Variants in IARS1 observed in about 807,000 individuals in gnomAD.
The protein encoded by IARS1 is isoleucine--tRNA ligase, cytoplasmic.
A neutral mutation model predicts 168.2 loss-of-function variants in IARS1; 124 were observed. The observed-to-expected ratio is 0.74, with a 90% CI of 0.64 to 0.86. The LOEUF (loss-of-function observed/expected upper bound fraction) is 0.86. Ranked by LOEUF, IARS1 falls within the 40% of genes least tolerant of loss-of-function variation. The pLI, the probability that IARS1 is intolerant of heterozygous loss-of-function variation, is 0.00. For missense variants in IARS1, 1,452 were observed against 1,515.8 expected (o/e 0.96, Z 0.70); for synonymous variants, 532 against 529.4 (o/e 1.00, Z -0.07).
rs776971708 is a variant in IARS1 at position 92,287,938 on chromosome 9, A to G, written c.277-28T>C. ...GAAAATTTGTGATAAGACTGTTACCACGCTGCCCTATGAAAACAACTGCAA... is the reference window on the plus strand; with the variant it reads ...GAAAATTTGTGATAAGACTGTTACCGCGCTGCCCTATGAAAACAACTGCAA... On this transcript the variant is annotated intron_variant, in intron 3 of 33. Transcript: ENST00000443024. 21 of 1,611,658 alleles carry G rather than the reference A, an allele frequency of 1.3e-5. No individual in the cohort carries two copies. The Admixed American group carries it at 3.5e-4, about 27-fold the overall frequency.
intron 15 of IARS1, 84 bp from the exon 16 acceptor site, chr9:92,265,207 C>T (rs1832115857): frequency 1.7e-6 from 2 of 1,191,814 alleles, no homozygotes; most frequent in Admixed American, 2.5e-5. Context: ...AACACAAAAC[C>T]CTGACAAGAT....
intron 21 of IARS1, among the ~76,000 whole-genome samples, chr9:92,253,059 TTTA>T (rs1191226401): frequency 6.6e-6 from 1 of 152,180 alleles, no homozygotes; most frequent in African/African-American, 2.4e-5. Flanking sequence ...TTTGCATGAT[TTTA>T]TTTTGAATTT....
intron 31 of IARS1, among the ~76,000 whole-genome samples, chr9:92,228,096 G>A (rs1041279847): frequency 6.6e-6 from 1 of 152,186 alleles, no homozygotes; most frequent in Non-Finnish European, 1.5e-5. Flanking sequence ...CACCTCAGGA[G>A]GCCAAGGCTG....
intron 15 of IARS1, 92 bp from the exon 16 acceptor site, chr9:92,265,215 G>T: frequency 9.1e-7 from 1 of 1,104,722 alleles, no homozygotes. Context: ...ACCCTGACAA[G>T]ATATTATACA....
At chr9:92,287,594 C>T in intron 4 of IARS1, 197 bp downstream of exon 4, 2 of 449,834 alleles carry the variant, frequency 4.4e-6, no homozygotes, top group Non-Finnish European at 7.5e-6. Flanking sequence ...AAAGTTAGAC[C>T]AATTAAGCAC....
chr9:92,278,333 G>C (rs373357488), intron 7 of IARS1, 47 bp from the exon 8 acceptor site: 4 of 1,310,204 alleles, frequency 3.1e-6, no homozygotes, highest in Non-Finnish European at 4.4e-6. Context: ...TTCTGAACTT[G>C]GCTGATTCCA....
chr9:92,289,825 A>G (rs1293876269), intron 1 of IARS1, among the ~76,000 whole-genome samples: 1 of 152,198 alleles, frequency 6.6e-6, no homozygotes, highest in African/African-American at 2.4e-5. Context: ...GGCCTATTGC[A>G]TCTGGTTTCC....
Position 92,265,556 on chromosome 9 carries a change from G to C in IARS1, c.1432-3C>G. 1 of 1,613,470 alleles carries C rather than the reference G, an allele frequency of 6.2e-7. No homozygotes were observed. Among genetic ancestry groups the C allele is most frequent in the South Asian group, 1.1e-5 (1 of 91,066 alleles). On this transcript the variant is annotated splice_polypyrimidine_tract_variant and splice_region_variant and intron_variant, in intron 14 of 33. Transcript: ENST00000443024. Reference sequence around the variant, plus strand: ...GCCACTGACCCAATGCATACCACCTGTCAAAAACAAAGTTCAATAGCAGGA... The same window carrying C: ...GCCACTGACCCAATGCATACCACCTCTCAAAAACAAAGTTCAATAGCAGGA...
chr9:92,291,522 G>T (rs1377576775), intron 1 of IARS1, among the ~76,000 whole-genome samples: 2 of 152,084 alleles, frequency 1.3e-5, no homozygotes, highest in Non-Finnish European at 2.9e-5. Context: ...AGAACAGTTG[G>T]GCTGTTTAAC....
intron 22 of IARS1, 72 bp downstream of exon 22, chr9:92,251,736 G>A (rs1830032370): frequency 3.1e-6 from 3 of 974,332 alleles, no homozygotes; most frequent in South Asian, 1.4e-5. Flanking sequence ...ATAAATGGAG[G>A]ATGCTGCAGC....
chr9:92,262,475 A>G (rs976115777), intron 17 of IARS1, among the ~76,000 whole-genome samples: 2 of 152,194 alleles, frequency 1.3e-5, no homozygotes, highest in African/African-American at 4.8e-5. Flanking sequence ...ACTTCCTTAT[A>G]ATAGCAAAAT....
At chr9:92,276,380 G>C (rs972137565) in intron 9 of IARS1, among the ~76,000 whole-genome samples, 4 of 152,190 alleles carry the variant, frequency 2.6e-5, no homozygotes, top group African/African-American at 9.7e-5. Context: ...GATGTGGTCA[G>C]GAAGCAGCTC....
chr9:92,262,822 G>A, intron 17 of IARS1, 147 bp downstream of exon 17: 1 of 637,774 alleles, frequency 1.6e-6, no homozygotes, highest in Admixed American at 2.4e-5. Flanking sequence ...TCCTCCATCA[G>A]GCTTAGCTGT....
At chr9:92,261,732 A>G (rs773883692) in intron 17 of IARS1, among the ~76,000 whole-genome samples, 13 of 152,054 alleles carry the variant, frequency 8.5e-5, no homozygotes, top group Non-Finnish European at 4.4e-5. Flanking sequence ...ATGCAAATCT[A>G]CAATGATCTC....
intron 6 of IARS1, 81 bp from the exon 7 acceptor site, chr9:92,280,974 G>A (rs1587880928): frequency 3.4e-6 from 3 of 888,480 alleles, no homozygotes; most frequent in Non-Finnish European, 3.3e-6. Flanking sequence ...TCCTAAAGAG[G>A]AATAAAATAA....
chr9:92,271,393 A>G lies in IARS1; in HGVS notation c.1113+140T>C, dbSNP rs1039306464. 8 of 1,057,948 alleles carry G rather than the reference A, an allele frequency of 7.6e-6. No homozygotes were observed. In the African/African-American group the frequency reaches 9.5e-5, roughly 13 times the overall value. The allele number at this position is 1,057,948 out of a possible 1,614,324, so 65.5% of individuals were successfully genotyped here. On this transcript the variant is annotated intron_variant, in intron 11 of 33. Transcript: ENST00000443024. ...ATGAGACCCTCTGAACGTAACTGAT[A>G]ACATCTGTCTTTACGGATTTCATGC...
intron 10 of IARS1, among the ~76,000 whole-genome samples, chr9:92,272,058 G>A (rs1279543258): frequency 6.6e-6 from 1 of 152,192 alleles, no homozygotes; most frequent in Non-Finnish European, 1.5e-5. Context: ...ACACACATCT[G>A]AAAAACCAAA....
At chr9:92,256,587 G>T in intron 20 of IARS1, 93 bp downstream of exon 20, 2 of 1,212,558 alleles carry the variant, frequency 1.6e-6, no homozygotes, top group Non-Finnish European at 2.3e-6. Flanking sequence ...TTAATTTTCT[G>T]TATCTCTCAA....
rs1404318593 is a variant in IARS1, at chr9:92,264,913, G to A, written c.1700+16C>T. On this transcript the variant is annotated intron_variant, in intron 16 of 33. Coordinates refer to ENST00000443024, the MANE Select transcript of IARS1 (RefSeq NM_002161.6). ...AAAATCAATAAAACACGTGATGAAA[G>A]AACAAGGAGGCATACCATCCTCTGG... The A allele has an allele frequency of 6.3e-7, 1 of 1,597,910 alleles. No individual in the cohort carries two copies. Among genetic ancestry groups the A allele is most frequent in the African/African-American group, 1.3e-5 (1 of 74,302 alleles).
Sources: gnomAD v4.1 joint callset for allele counts (sites outside exome capture counted in the v4.1 genomes callset) on GRCh38, gnomAD v4.1.1 for gene constraint, MANE v1.5 for transcripts, NCBI Gene and HGNC (gene_info 2026-07-23, HGNC 2026-07-21) for gene names.